The following MYO3B variants were observed in gnomAD, a reference collection of about 807,000 sequenced individuals.
The protein encoded by MYO3B is myosin IIIB.
Under a neutral mutation model 174.6 loss-of-function variants are expected in MYO3B, and 156 were observed. The observed-to-expected ratio is 0.89, with a 90% confidence interval of 0.78 to 1.02. MYO3B has a LOEUF of 1.02. Among genes scored for constraint, MYO3B ranks in the 50% least tolerant of loss-of-function variants. MYO3B has a pLI of 0.00. For synonymous variants in MYO3B, 563 were observed against 569.1 expected, an observed-to-expected ratio of 0.99 and a Z score of 0.15; for missense variants, 1,632 against 1,639.4, an observed-to-expected ratio of 1.00 and a Z score of 0.08.
chr2:170,185,157 T>C (rs2092447157), intron 1 of MYO3B, among the ~76,000 whole-genome samples: 1 of 152,192 alleles, frequency 6.6e-6, no homozygotes, highest in Non-Finnish European at 1.5e-5. Flanking sequence ...TTTCCTTTGC[T>C]GTTCAGAAGT....
rs115185493 is a variant in MYO3B at position 170,341,594 on chromosome 2, C to T, written c.815+6144C>T. ...CTTGAATTAATTAGCATCTCTTGAG[C>T]TACAGGGAATTAGTGAATTAATAAA... On this transcript the variant is annotated intron_variant, in intron 8 of 34. Transcript: ENST00000408978. Among the ~76,000 whole-genome samples, 642 of 152,206 alleles carry T rather than the reference C, an allele frequency of 4.2e-3. 3 individuals are homozygous for T. The highest frequency in any genetic ancestry group is 6.7e-3 in the Non-Finnish European group (457 of 68,016).
chr2:170,205,536 C>T (rs1263716547), intron 3 of MYO3B, among the ~76,000 whole-genome samples: 1 of 152,130 alleles, frequency 6.6e-6, no homozygotes, highest in African/African-American at 2.4e-5. Flanking sequence ...ACTGCCTTTC[C>T]TTTAGAGGAG....
At chr2:170,336,449 C>A (rs1244025281) in intron 8 of MYO3B, among the ~76,000 whole-genome samples, 1 of 152,086 alleles carries the variant, frequency 6.6e-6, no homozygotes, top group Non-Finnish European at 1.5e-5. Flanking sequence ...TAATAAATCA[C>A]AATACAGATC....
rs1253349136 is a variant in MYO3B at position 170,392,371 on chromosome 2, C to G, written c.1677-10C>G. 6.4e-7 allele frequency: 1 copy of G among 1,571,206 alleles called. No homozygotes were observed. The highest frequency in any genetic ancestry group is 1.2e-5 in the South Asian group (1 of 85,292). ...GCTCATTCTGTTTGGTCATGCTCCA[C>G]TTCATTTAGGTACATAGCTGATGAA... On this transcript the variant is annotated splice_polypyrimidine_tract_variant and intron_variant, in intron 15 of 34. Coordinates refer to ENST00000408978, the MANE Select transcript of MYO3B (RefSeq NM_138995.5).
chr2:170,292,293 G>T (rs995567994), intron 7 of MYO3B, among the ~76,000 whole-genome samples: 1 of 151,930 alleles, frequency 6.6e-6, no homozygotes, highest in Non-Finnish European at 1.5e-5. Flanking sequence ...TAATATCTTT[G>T]TTAAATTTCT....
At position 170,236,066 on chromosome 2, in the gene MYO3B, A is replaced by G. The variant is rs1324885953; in HGVS notation, c.679A>G (p.Ile227Val). 2.5e-6 allele frequency: 4 copies of G among 1,613,858 alleles called. No individual in the cohort carries two copies. Among genetic ancestry groups the G allele is most frequent in the Non-Finnish European group, 3.4e-6 (4 of 1,179,990 alleles). ...CGTCTGGTCCTTGGGGATCACAGCT[A>G]TTGAACTGGGGGATGGAGACCCTCC... ...CDVWSLGITA[I>V]ELGDGDPPLF... The change falls in exon 7 of 35, where the codon ATT becomes GTT. Residue 227 changes from isoleucine to valine, a missense_variant. Transcript: ENST00000408978.
chr2:170,220,628 CAAA>C (rs71006077), intron 6 of MYO3B, among the ~76,000 whole-genome samples: 5,685 of 85,604 alleles, frequency 0.066, 210 homozygotes, highest in African/African-American at 0.12. Flanking sequence ...GATTCCGTCT[CAAA>C]AAAAAAAAAA....
chr2:170,259,701 G>A (rs2093330852), intron 7 of MYO3B, among the ~76,000 whole-genome samples: 1 of 152,032 alleles, frequency 6.6e-6, no homozygotes, highest in Admixed American at 6.5e-5. Context: ...ATAGACAAGT[G>A]GGACATAATT....
chr2:170,241,726 G>T (rs1378516877), intron 7 of MYO3B, among the ~76,000 whole-genome samples: 1 of 152,112 alleles, frequency 6.6e-6, no homozygotes, highest in African/African-American at 2.4e-5. Context: ...TGAAATATTT[G>T]TGTGTCTATT....
At chr2:170,195,758 C>G (rs912304693) in intron 1 of MYO3B, among the ~76,000 whole-genome samples, 19 of 152,190 alleles carry the variant, frequency 1.2e-4, no homozygotes, top group Admixed American at 1.1e-3. Flanking sequence ...CTGCACCTGC[C>G]TGTCTATGTG....
chr2:170,650,715 G>C (rs1008937672), intron 32 of MYO3B, among the ~76,000 whole-genome samples: 40 of 105,448 alleles, frequency 3.8e-4, no homozygotes, highest in African/African-American at 1.3e-3. Flanking sequence ...ATGGAGTCTT[G>C]CCCTGTTGCC....
At chr2:170,519,097 G>A (rs1688496120) in intron 29 of MYO3B, among the ~76,000 whole-genome samples, 1 of 152,158 alleles carries the variant, frequency 6.6e-6, no homozygotes, top group Admixed American at 6.5e-5. Flanking sequence ...TGCTGTCTCT[G>A]TCTAGCACAG....
intron 7 of MYO3B, among the ~76,000 whole-genome samples, chr2:170,287,650 A>G (rs1183933883): frequency 6.6e-6 from 1 of 152,172 alleles, no homozygotes; most frequent in East Asian, 1.9e-4. Context: ...TCAGATGAAT[A>G]GTTTACAAAT....
intron 7 of MYO3B, among the ~76,000 whole-genome samples, chr2:170,310,177 C>T (rs1207207556): frequency 6.6e-6 from 1 of 152,148 alleles, no homozygotes; most frequent in Non-Finnish European, 1.5e-5. Flanking sequence ...CATTGATGAA[C>T]ATTTGAGCTC....
intron 23 of MYO3B, among the ~76,000 whole-genome samples, chr2:170,447,217 A>G (rs10170044): frequency 0.41 from 61,552 of 151,950 alleles, 12,544 homozygotes; most frequent in Admixed American, 0.47. Context: ...CCTTGACTCT[A>G]TCAGCTCCAA....
In MYO3B at chr2:170,199,389, A is replaced by G. The variant is rs2092636919; in HGVS notation, c.184A>G (p.Ser62Gly). Residue 62 changes from serine (S) to glycine (G), a missense_variant and splice_region_variant, in exon 2 of 35, where the codon AGT becomes GGT. Coordinates refer to ENST00000408978, the MANE Select transcript of MYO3B (RefSeq NM_138995.5). Reference sequence around the variant, plus strand: ...TGCAGTGAAAATTCTGGATCCAGTCAGTGTAAGTAACAGTTGTAAATTATA... The same window carrying G: ...TGCAGTGAAAATTCTGGATCCAGTCGGTGTAAGTAACAGTTGTAAATTATA... ...LAAVKILDPV[S>G]DMDEEIEAEY... 6.3e-7 allele frequency: 1 copy of G among 1,599,724 alleles called. No homozygotes were observed. The highest frequency in any genetic ancestry group is 1.1e-5 in the South Asian group (1 of 88,504).
intron 8 of MYO3B, among the ~76,000 whole-genome samples, chr2:170,361,653 T>TA (rs1184588860): frequency 6.6e-6 from 1 of 152,244 alleles, no homozygotes; most frequent in African/African-American, 2.4e-5. Flanking sequence ...TTCTTGGAGA[T>TA]ACCTCTCTTT....
intron 28 of MYO3B, among the ~76,000 whole-genome samples, chr2:170,503,122 C>A (rs918395387): frequency 2.1e-4 from 32 of 152,200 alleles, no homozygotes; most frequent in Admixed American, 2.0e-3. Context: ...GGGTACCAAA[C>A]TGATTTCTGA....
At chr2:170,337,916 G>A (rs1477700911) in intron 8 of MYO3B, 2 of 152,212 alleles carry the variant, frequency 1.3e-5, no homozygotes, top group African/African-American at 4.8e-5. Context: ...TGAATAGGCT[G>A]AGGGGGAGGA....
Sources: allele counts gnomAD v4.1 joint callset (sites outside exome capture counted in the v4.1 genomes callset), GRCh38; gene constraint gnomAD v4.1.1; transcripts MANE v1.5; gene names NCBI Gene and HGNC (gene_info 2026-07-23, HGNC 2026-07-21).